Variants in RFX3 observed in about 807,000 individuals in gnomAD.
RFX3 encodes the protein regulatory factor X3.
A neutral mutation model predicts 98.6 loss-of-function variants in RFX3; 14 were observed. That is an observed-to-expected ratio of 0.14 (90% CI 0.09 to 0.22). The LOEUF is 0.22. Among genes scored for constraint, RFX3 ranks in the 10% least tolerant of loss-of-function variants. The pLI is 1.00. For synonymous variants in RFX3, 383 were observed against 328.4 expected, an observed-to-expected ratio of 1.17 and a Z score of -1.80; for missense variants, 639 against 926.9, an observed-to-expected ratio of 0.69 and a Z score of 4.03.
At chr9:3,422,180 T>C (rs985652321) in intron 1 of RFX3, among the ~76,000 whole-genome samples, 3 of 152,184 alleles carry the variant, frequency 2.0e-5, no homozygotes, top group Non-Finnish European at 4.4e-5. Flanking sequence ...CAGCTAAATC[T>C]TCCTGGCACA....
intron 2 of RFX3, among the ~76,000 whole-genome samples, chr9:3,373,471 A>T (rs1838085725): frequency 6.6e-6 from 1 of 152,206 alleles, no homozygotes; most frequent in Admixed American, 6.5e-5. Context: ...GAAAACTGTT[A>T]AATAGAGAAT....
chr9:3,298,559 A>G (rs892082160), intron 5 of RFX3, among the ~76,000 whole-genome samples: 1 of 151,840 alleles, frequency 6.6e-6, no homozygotes, highest in African/African-American at 2.4e-5. Flanking sequence ...TGAACAAAAC[A>G]TACAAAAATC....
intron 3 of RFX3, among the ~76,000 whole-genome samples, chr9:3,331,282 C>T (rs796419325): frequency 2.0e-5 from 3 of 152,294 alleles, no homozygotes; most frequent in Admixed American, 6.5e-5. Context: ...TATAGTATGA[C>T]ACTGTTGGCC....
intron 4 of RFX3, among the ~76,000 whole-genome samples, chr9:3,319,355 CTT>C (rs916296364): frequency 6.8e-6 from 1 of 147,774 alleles, no homozygotes; most frequent in Non-Finnish European, 1.5e-5. Flanking sequence ...AAAACATGAT[CTT>C]TTTTTTTTTC....
At chr9:3,438,562 A>G (rs901964439) in intron 1 of RFX3, among the ~76,000 whole-genome samples, 7 of 152,202 alleles carry the variant, frequency 4.6e-5, no homozygotes, top group Middle Eastern at 3.4e-3. Context: ...AATGATCTAA[A>G]TACTCCAATT....
At chr9:3,250,808 T>C (rs777596918) in intron 14 of RFX3, among the ~76,000 whole-genome samples, 9 of 152,044 alleles carry the variant, frequency 5.9e-5, no homozygotes, top group Non-Finnish European at 1.2e-4. Flanking sequence ...ATGTTTATAA[T>C]ATAATCGTTA....
intron 15 of RFX3, among the ~76,000 whole-genome samples, chr9:3,229,467 G>A (rs1476428308): frequency 6.6e-6 from 1 of 152,208 alleles, no homozygotes; most frequent in Non-Finnish European, 1.5e-5. Flanking sequence ...AAAAGCATCT[G>A]ATCATTACTA....
At chr9:3,425,205 C>T (rs774268033) in intron 1 of RFX3, among the ~76,000 whole-genome samples, 1 of 152,204 alleles carries the variant, frequency 6.6e-6, no homozygotes, top group East Asian at 1.9e-4. Flanking sequence ...CACCACTGCC[C>T]GCCAGCCTGG....
intron 1 of RFX3, among the ~76,000 whole-genome samples, chr9:3,413,025 T>C (rs1842588415): frequency 6.6e-6 from 1 of 152,048 alleles, no homozygotes; most frequent in Admixed American, 6.5e-5. Context: ...CAGCCTTTAA[T>C]ATAGAAAATT....
Position 3,432,403 on chromosome 9 carries a change from G to T in RFX3, c.-8-36807C>A, listed in dbSNP as rs2132549721. ...AGAACCCCAGTAGAGAGAACGTCAT[G>T]AAAGTCTGAAGAGATTACACCATTG... On this transcript the variant is annotated intron_variant, in intron 1 of 16. Coordinates refer to ENST00000617270, the MANE Select transcript of RFX3 (RefSeq NM_001282116.2). Among the ~76,000 whole-genome samples the T allele has an allele frequency of 5.3e-5, 8 of 152,288 alleles. 1 individual carries two copies. In the South Asian group the frequency reaches 1.7e-3, roughly 32 times the overall value.
chr9:3,524,801 T>C (rs898911287), intron 1 of RFX3, among the ~76,000 whole-genome samples: 4 of 147,160 alleles, frequency 2.7e-5, no homozygotes, highest in Non-Finnish European at 6.0e-5. Context: ...GTATCACAGA[T>C]GCCCTGCATC....
intron 15 of RFX3, among the ~76,000 whole-genome samples, chr9:3,241,496 A>G (rs1819922225): frequency 6.6e-6 from 1 of 152,196 alleles, no homozygotes; most frequent in South Asian, 2.1e-4. Context: ...AAAGAACCGC[A>G]GCCCTGGGCT....
chr9:3,313,773 G>A lies in RFX3; in HGVS notation c.475-12153C>T, dbSNP rs1255281283. ...TGATTAAGTGGAAGAAAGGGTATCA[G>A]TGACTGAAGATCAAATGAATGAAGT... On this transcript the variant is annotated intron_variant, in intron 4 of 16. Coordinates refer to ENST00000617270, the MANE Select transcript of RFX3 (RefSeq NM_001282116.2). 1.6e-4 allele frequency among the ~76,000 whole-genome samples: 24 copies of A among 152,226 alleles called. 1 individual carries two copies. Among genetic ancestry groups the A allele is most frequent in the Admixed American group, 1.6e-3 (24 of 15,286 alleles).
At chr9:3,499,138 T>G (rs776103921) in intron 1 of RFX3, among the ~76,000 whole-genome samples, 2 of 152,100 alleles carry the variant, frequency 1.3e-5, no homozygotes, top group Non-Finnish European at 2.9e-5. Flanking sequence ...TCATCTACAT[T>G]TCAATTATAC....
In RFX3 at chr9:3,271,006, G is replaced by A. The variant is rs537638899; in HGVS notation, c.1199C>T (p.Ser400Leu). ...TPTDGTTITESSNLSEIESRL... is the reference protein window; with the variant it reads ...TPTDGTTITELSNLSEIESRL... ...TGGAAAAGATGTTGATTCTGACCTC[G>A]ATTCGGTAATGGTAGTGCCATCAGT... Residue 400 changes from serine to leucine, a missense_variant, in exon 10 of 17, where the codon TCG (serine) becomes TTG (leucine). Coordinates refer to ENST00000617270, the MANE Select transcript of RFX3 (RefSeq NM_001282116.2). The A allele has an allele frequency of 2.5e-6, 4 of 1,613,554 alleles. No homozygotes were observed. Among genetic ancestry groups the A allele is most frequent in the East Asian group, 2.2e-5 (1 of 44,820 alleles).
At chr9:3,251,995 T>A (rs569013579) in intron 14 of RFX3, among the ~76,000 whole-genome samples, 58 of 152,120 alleles carry the variant, frequency 3.8e-4, no homozygotes, top group African/African-American at 1.3e-3. Context: ...ATTACAAACA[T>A]GCGCCACCAC....
At chr9:3,469,301 C>A in intron 1 of RFX3, 1 of 303,840 alleles carries the variant, frequency 3.3e-6, no homozygotes, top group Non-Finnish European at 6.7e-6. Flanking sequence ...ATTTTCTTTA[C>A]CTACCAATCT....
At chr9:3,398,631 T>C (rs192835325) in intron 1 of RFX3, among the ~76,000 whole-genome samples, 1 of 152,240 alleles carries the variant, frequency 6.6e-6, no homozygotes, top group East Asian at 1.9e-4. Context: ...TAAGAGTAGA[T>C]GAGTTTCTTA....
At chr9:3,401,920 G>C (rs1217126729) in intron 1 of RFX3, among the ~76,000 whole-genome samples, 3 of 152,166 alleles carry the variant, frequency 2.0e-5, no homozygotes, top group African/African-American at 7.2e-5. Flanking sequence ...AATGGAACAA[G>C]ATTAGCATTT....
Sources: allele counts gnomAD v4.1 joint callset (sites outside exome capture counted in the v4.1 genomes callset), GRCh38; gene constraint gnomAD v4.1.1; transcripts MANE v1.5; gene names NCBI Gene and HGNC (gene_info 2026-07-23, HGNC 2026-07-21).